Variants in CES5A observed in about 807,000 individuals in gnomAD.
CES5A encodes the protein carboxylesterase 5A.
Under a neutral mutation model 62.9 loss-of-function variants are expected in CES5A, and 67 were observed. The ratio of observed to expected loss-of-function variants is 1.07; its 90% CI spans 0.88 to 1.31. The LOEUF (loss-of-function observed/expected upper bound fraction) is 1.31, where lower values mean the gene tolerates loss of function less well. CES5A is among the 50% of genes most tolerant of loss of function. The pLI is 0.00. For missense variants in CES5A, 748 were observed against 708.5 expected (o/e 1.06, Z -0.63); for synonymous variants, 296 against 280.8 (o/e 1.05, Z -0.54).
At chr16:55,851,913 T>C (rs2033141405) in intron 10 of CES5A, among the ~76,000 whole-genome samples, 1 of 152,214 alleles carries the variant, frequency 6.6e-6, no homozygotes, top group Non-Finnish European at 1.5e-5. Flanking sequence ...TGAGACCTTA[T>C]GCTACGTGAA....
At chr16:55,883,941 C>T (rs1164354066) in intron 1 of CES5A, among the ~76,000 whole-genome samples, 1 of 152,150 alleles carries the variant, frequency 6.6e-6, no homozygotes, top group Non-Finnish European at 1.5e-5. Context: ...TCTCGTAGGT[C>T]CCCACTCTAA....
rs72810528 is a variant in CES5A at position 55,906,509 on chromosome 16, C to T, written c.-256+18814G>A. 1.1e-4 allele frequency among the ~76,000 whole-genome samples: 16 copies of T among 152,270 alleles called. No homozygotes were observed. The East Asian group carries it at 2.9e-3, about 28-fold the overall frequency. ...GATCTTGAAGGGAGGGAGGAAAAAG[C>T]CTTGAAGCTGACAATGTAGTTCCTT... On this transcript the variant is annotated intron_variant, in intron 1 of 12. Transcript: ENST00000518005.
At chr16:55,846,742 T>A (rs375005969) in intron 12 of CES5A, 26 bp downstream of exon 12, 1 of 1,613,746 alleles carries the variant, frequency 6.2e-7, no homozygotes, top group East Asian at 2.2e-5. Context: ...GGCCTTGGCA[T>A]GGGGGAGACC....
intron 1 of CES5A, among the ~76,000 whole-genome samples, chr16:55,901,298 C>T (rs1597141806): frequency 8.0e-6 from 1 of 124,560 alleles, no homozygotes; most frequent in East Asian, 2.3e-4. Context: ...AACTGTGAGT[C>T]AATTAAACCT....
chr16:55,900,882 T>C (rs1597141561), intron 1 of CES5A, among the ~76,000 whole-genome samples: 2 of 152,324 alleles, frequency 1.3e-5, no homozygotes, highest in East Asian at 1.9e-4. Context: ...GTCTTTAAAG[T>C]GCACGTGGGA....
chr16:55,873,945 C>T lies in CES5A; in HGVS notation c.166G>A (p.Val56Met), dbSNP rs140017746. 3.8e-4 allele frequency: 615 copies of T among 1,613,740 alleles called. 2 individuals carry two copies. The East Asian group carries it at 9.6e-3, about 25-fold the overall frequency. The change falls in exon 2 of 13, where the codon GTG becomes ATG. Residue 56 changes from valine to methionine, a missense_variant. By Grantham distance (21) the Val-to-Met change is conservative. Coordinates refer to ENST00000290567, the MANE Select transcript of CES5A (RefSeq NM_001143685.2). ...GCAGCAAAGGGGACTCCGAGGAACA[C>T]GTTCACAGGCACAGGGCTTCCCAGC... ...TVLGSPVPVN[V>M]FLGVPFAAPP... is the part of the protein sequence containing the mutation.
At chr16:55,903,870 G>T (rs74779663) in intron 1 of CES5A, among the ~76,000 whole-genome samples, 1 of 152,132 alleles carries the variant, frequency 6.6e-6, no homozygotes, top group South Asian at 2.1e-4. Flanking sequence ...TTCCCCTATG[G>T]TACAAAGCCC....
Position 55,866,096 on chromosome 16 carries a change from G to A in CES5A, c.572C>T (p.Pro191Leu), listed in dbSNP as rs140934887. The A allele has an allele frequency of 1.5e-5, 24 of 1,613,354 alleles. No individual in the cohort carries two copies. Among genetic ancestry groups the A allele is most frequent in the East Asian group, 8.9e-5 (4 of 44,862 alleles). Residue 191 changes from proline to leucine, a missense_variant, in exon 5 of 13, where the codon CCG becomes CTG. Pro to Leu is a moderately conservative substitution (Grantham distance 98, BLOSUM62 -3). Transcript: ENST00000290567. ...CTGGTCCTTGAAGGCCCAGTTCCCC[G>A]GAGCATGCTGATCCCATGTGCTGAG... ...GFFTTWDQHAPGNWAFKDQVA... is the reference protein window; with the variant it reads ...GFFTTWDQHALGNWAFKDQVA...
intron 6 of CES5A, among the ~76,000 whole-genome samples, chr16:55,862,342 TG>T (rs1241578614): frequency 1.1e-4 from 16 of 152,196 alleles, no homozygotes; most frequent in African/African-American, 3.6e-4. Context: ...ATGTGGAGTC[TG>T]GTACAGTTGT....
chr16:55,853,594 C>T (rs2033174705), intron 9 of CES5A, among the ~76,000 whole-genome samples: 1 of 152,144 alleles, frequency 6.6e-6, no homozygotes, highest in African/African-American at 2.4e-5. Context: ...CAGTTTCCTC[C>T]TCTGTAGGGA....
chr16:55,884,585 C>T (rs2033795401), intron 1 of CES5A, among the ~76,000 whole-genome samples: 1 of 148,694 alleles, frequency 6.7e-6, no homozygotes, highest in African/African-American at 2.4e-5. Context: ...CCACAACCAC[C>T]ACTAAACTTC....
At chr16:55,864,916 T>C (rs762144403) in intron 5 of CES5A, among the ~76,000 whole-genome samples, 3 of 150,580 alleles carry the variant, frequency 2.0e-5, no homozygotes, top group Non-Finnish European at 4.4e-5. Flanking sequence ...TCAAAAAAAA[T>C]ATTGCTGTCA....
In CES5A at chr16:55,869,668, T is replaced by C. The variant is rs140373908; in HGVS notation, c.494A>G (p.Tyr165Cys). ...SIFDGSALAAYEDVLVVVVQY... is the reference protein window; with the variant it reads ...SIFDGSALAACEDVLVVVVQY... ...GACGACCACAACCAGCACGTCCTCA[T>C]AGGCAGCCAGGGCGGACCCATCAAA... The change falls in exon 4 of 13, where the codon TAT (tyrosine) becomes TGT (cysteine). Residue 165 changes from tyrosine (Y) to cysteine (C), a missense_variant. Tyr to Cys is a radical substitution (Grantham distance 194, BLOSUM62 -2). Coordinates refer to ENST00000290567, the MANE Select transcript of CES5A (RefSeq NM_001143685.2). 5 of 1,613,418 alleles carry C rather than the reference T, an allele frequency of 3.1e-6. No homozygotes were observed. Among genetic ancestry groups the C allele is most frequent in the South Asian group, 2.2e-5 (2 of 90,872 alleles).
At chr16:55,907,883 A>T (rs1256743944) in intron 1 of CES5A, among the ~76,000 whole-genome samples, 1 of 152,144 alleles carries the variant, frequency 6.6e-6, no homozygotes, top group Non-Finnish European at 1.5e-5. Flanking sequence ...GGCTCCTGGG[A>T]ATTGAGATGC....
At chr16:55,882,340 T>A (rs1236071379) in intron 1 of CES5A, among the ~76,000 whole-genome samples, 1 of 152,234 alleles carries the variant, frequency 6.6e-6, no homozygotes, top group Non-Finnish European at 1.5e-5. Flanking sequence ...CAGGACCCAC[T>A]AATGCACAGA....
At chr16:55,908,810 A>T (rs530532597) in intron 1 of CES5A, among the ~76,000 whole-genome samples, 22 of 152,196 alleles carry the variant, frequency 1.4e-4, no homozygotes, top group Non-Finnish European at 2.2e-4. Flanking sequence ...TGATTCCCCA[A>T]ATAGGTTGGG....
intron 2 of CES5A, among the ~76,000 whole-genome samples, chr16:55,933,980 C>T (rs1375080253): frequency 2.0e-5 from 3 of 152,160 alleles, no homozygotes; most frequent in African/African-American, 7.2e-5. Context: ...GCTGTTCCTC[C>T]AATGTACCAA....
At chr16:55,938,136 G>A (rs1459219805) in intron 2 of CES5A, among the ~76,000 whole-genome samples, 2 of 152,246 alleles carry the variant, frequency 1.3e-5, no homozygotes, top group East Asian at 3.9e-4. Context: ...GGGAAAGAAG[G>A]GATGAACCAT....
At chr16:55,937,012 G>A (rs1375370122) in intron 2 of CES5A, among the ~76,000 whole-genome samples, 2 of 152,164 alleles carry the variant, frequency 1.3e-5, no homozygotes, top group Non-Finnish European at 2.9e-5. Context: ...TGGGCTACAA[G>A]AGACCAGGCA....
Sources: gnomAD v4.1 joint callset for allele counts (sites outside exome capture counted in the v4.1 genomes callset) on GRCh38, gnomAD v4.1.1 for gene constraint, MANE v1.5 for transcripts, NCBI Gene and HGNC (gene_info 2026-07-23, HGNC 2026-07-21) for gene names.